Variants in CTDSPL2 observed in about 807,000 individuals in gnomAD.
The protein encoded by CTDSPL2 is CTD small phosphatase like 2.
CTDSPL2 carries 5 observed loss-of-function variants against 60.0 expected under a neutral mutation model. The observed-to-expected ratio is 0.08, with a 90% CI of 0.04 to 0.18. The LOEUF (loss-of-function observed/expected upper bound fraction) is 0.18, where lower values mean the gene tolerates loss of function less well. CTDSPL2 is among the 10% of genes least tolerant of loss of function. CTDSPL2 has a pLI of 1.00. For missense variants in CTDSPL2, 370 were observed against 548.8 expected, an observed-to-expected ratio of 0.67 and a Z score of 3.26; for synonymous variants, 186 against 189.3, an observed-to-expected ratio of 0.98 and a Z score of 0.14.
chr15:44,453,900 CTTTATAGCAGCATGA>C (rs1321593799), intron 1 of CTDSPL2, among the ~76,000 whole-genome samples: 10 of 152,120 alleles, frequency 6.6e-5, no homozygotes. Flanking sequence ...GTGCATGTGT[CTTTATAGCAGCATGA>C]TTTATAATCC....
chr15:44,494,080 T>A (rs2081259355), intron 5 of CTDSPL2, among the ~76,000 whole-genome samples: 1 of 152,222 alleles, frequency 6.6e-6, no homozygotes, highest in Non-Finnish European at 1.5e-5. Flanking sequence ...TAGAAATTTT[T>A]ATTGGGTTCT....
Position 44,459,108 on chromosome 15 carries a change from G to T in CTDSPL2, c.94G>T (p.Asp32Tyr), listed in dbSNP as rs768772032. 3 of 1,613,174 alleles carry T rather than the reference G, an allele frequency of 1.9e-6. No individual in the cohort carries two copies. The East Asian group carries it at 6.7e-5, about 36-fold the overall frequency. ...AAAGAGGAAATATTCAGAGGTTGAT[G>T]ATAGCCTGCCTTCAGGAGGAGAAAA... ...RAKRKYSEVD[D>Y]SLPSGGEKPS... Residue 32 changes from aspartate to tyrosine, a missense_variant, in exon 2 of 13, where the codon GAT becomes TAT. Physicochemically the swap from Asp to Tyr is radical, Grantham distance 160. This residue lies in a region of CTDSPL2 where 287 missense variants were observed against 296.1 expected (regional missense o/e 0.97). Coordinates refer to ENST00000260327, the MANE Select transcript of CTDSPL2 (RefSeq NM_016396.3).
chr15:44,442,131 C>T (rs1216659867), intron 1 of CTDSPL2, among the ~76,000 whole-genome samples: 1 of 152,058 alleles, frequency 6.6e-6, no homozygotes, highest in African/African-American at 2.4e-5. Flanking sequence ...CTTCTATTTC[C>T]TGTTACGAAA....
intron 10 of CTDSPL2, among the ~76,000 whole-genome samples, chr15:44,515,312 T>C (rs942774126): frequency 7.2e-5 from 11 of 152,206 alleles, no homozygotes; most frequent in Admixed American, 2.6e-4. Flanking sequence ...ATGAATCTGA[T>C]TGGAAATTAC....
intron 2 of CTDSPL2, among the ~76,000 whole-genome samples, chr15:44,480,213 A>C (rs887817152): frequency 1.4e-4 from 21 of 151,590 alleles, no homozygotes; most frequent in African/African-American, 4.9e-4. Flanking sequence ...TTGGACAGCA[A>C]CTCCCCAACT....
chr15:44,459,308 A>G (rs1056470990), intron 2 of CTDSPL2, 108 bp downstream of exon 2: 4 of 676,724 alleles, frequency 5.9e-6, no homozygotes, highest in African/African-American at 1.9e-5. Context: ...CAGGTGGATC[A>G]CGAGGTCAGG....
chr15:44,470,732 G>A (rs990575185), intron 2 of CTDSPL2, among the ~76,000 whole-genome samples: 2 of 152,142 alleles, frequency 1.3e-5, no homozygotes, highest in Non-Finnish European at 2.9e-5. Flanking sequence ...ACAGGTGTGA[G>A]CCACCACGCC....
chr15:44,431,712 G>GT (rs1309178696), intron 1 of CTDSPL2, among the ~76,000 whole-genome samples: 76 of 137,906 alleles, frequency 5.5e-4, no homozygotes, highest in African/African-American at 1.8e-3. Context: ...TTGTTTGTTT[G>GT]TTTGTTTTTT....
At chr15:44,510,634 T>C (rs996567301) in intron 8 of CTDSPL2, among the ~76,000 whole-genome samples, 1 of 152,028 alleles carries the variant, frequency 6.6e-6, no homozygotes, top group Non-Finnish European at 1.5e-5. Flanking sequence ...AAATACTAAG[T>C]AGAGAAAGGA....
At chr15:44,451,853 T>C (rs1400824451) in intron 1 of CTDSPL2, among the ~76,000 whole-genome samples, 2 of 152,216 alleles carry the variant, frequency 1.3e-5, no homozygotes, top group Non-Finnish European at 1.5e-5. Flanking sequence ...CTTTTAAGCT[T>C]GGCTTACTAA....
chr15:44,508,662 C>T (rs1057314552), intron 8 of CTDSPL2, among the ~76,000 whole-genome samples: 2 of 152,100 alleles, frequency 1.3e-5, no homozygotes, highest in Non-Finnish European at 2.9e-5. Flanking sequence ...GTGGCTAGCC[C>T]CTGTAATCCC....
chr15:44,516,574 G>A (rs2081657782), intron 10 of CTDSPL2: 1 of 152,164 alleles, frequency 6.6e-6, no homozygotes, highest in Non-Finnish European at 1.5e-5. Context: ...AGTATACCCA[G>A]TGATTTTGTT....
At chr15:44,431,356 T>C (rs1002403547) in intron 1 of CTDSPL2, among the ~76,000 whole-genome samples, 1 of 152,238 alleles carries the variant, frequency 6.6e-6, no homozygotes, top group African/African-American at 2.4e-5. Flanking sequence ...AGGAGGCATA[T>C]ATCTAAGCCA....
intron 4 of CTDSPL2, among the ~76,000 whole-genome samples, chr15:44,489,276 C>A (rs778602464): frequency 2.6e-5 from 4 of 151,852 alleles, no homozygotes; most frequent in Non-Finnish European, 5.9e-5. Context: ...CTGTTGGTTA[C>A]GTTGATTCAA....
chr15:44,506,995 C>T (rs953276760), intron 8 of CTDSPL2, among the ~76,000 whole-genome samples: 5 of 150,556 alleles, frequency 3.3e-5, no homozygotes, highest in African/African-American at 1.2e-4. Context: ...TCTCAATCTC[C>T]TGACCTCGTG....
chr15:44,476,972 C>G (rs897729657), intron 2 of CTDSPL2, among the ~76,000 whole-genome samples: 4 of 152,140 alleles, frequency 2.6e-5, no homozygotes, highest in African/African-American at 9.7e-5. Flanking sequence ...GCCTTTAATC[C>G]TAGGACTTTG....
chr15:44,449,258 A>ACT (rs1195047662), intron 1 of CTDSPL2: 1 of 255,194 alleles, frequency 3.9e-6, no homozygotes, highest in Non-Finnish European at 8.2e-6. Context: ...GTGGTCTTCC[A>ACT]CTCAGACTAT....
At chr15:44,441,421 G>A (rs914563455) in intron 1 of CTDSPL2, among the ~76,000 whole-genome samples, 4 of 152,170 alleles carry the variant, frequency 2.6e-5, no homozygotes, top group Non-Finnish European at 5.9e-5. Flanking sequence ...TCCCATGTTC[G>A]CATATTGTGA....
At position 44,490,988 on chromosome 15, in the gene CTDSPL2, C is replaced by T. The variant is rs879661423; in HGVS notation, c.680C>T (p.Pro227Leu). Residue 227 changes from proline to leucine, a missense_variant, in exon 5 of 13, where the codon CCA becomes CTA. This residue lies in a region of CTDSPL2 where 287 missense variants were observed against 296.1 expected (regional missense o/e 0.97). Coordinates refer to ENST00000260327, the MANE Select transcript of CTDSPL2 (RefSeq NM_016396.3). ...EAEETVNRDI[P>L]PLTAPVTPDS... is the part of the protein sequence containing the mutation. ...GAAGAAACAGTTAATCGTGATATCC[C>T]ACCCCTTACAGGTGAAGAAAATTTC... 3 of 1,613,220 alleles carry T rather than the reference C, an allele frequency of 1.9e-6. No individual in the cohort carries two copies. The highest frequency in any genetic ancestry group is 2.5e-6 in the Non-Finnish European group (3 of 1,179,396).
Sources: allele counts gnomAD v4.1 joint callset (sites outside exome capture counted in the v4.1 genomes callset), GRCh38; gene constraint gnomAD v4.1.1; regional missense constraint gnomAD v4.1.1; transcripts MANE v1.5; gene names NCBI Gene and HGNC (gene_info 2026-07-23, HGNC 2026-07-21).